Variants in TAFA1 observed in about 807,000 individuals in gnomAD.
TAFA1 encodes chemokine-like protein TAFA-1.
A neutral mutation model predicts 18.5 loss-of-function variants in TAFA1; 4 were observed. The observed-to-expected ratio is 0.22, with a 90% CI of 0.11 to 0.49. The LOEUF (loss-of-function observed/expected upper bound fraction) is 0.49, where lower values mean the gene tolerates loss of function less well. Among genes scored for constraint, TAFA1 ranks in the 20% least tolerant of loss-of-function variants. The pLI is 0.98. For missense variants in TAFA1, 147 were observed against 169.0 expected (o/e 0.87, Z 0.72); for synonymous variants, 56 against 55.2 (o/e 1.01, Z -0.06).
chr3:68,006,811 G>A, intron 2 of TAFA1, 67 bp downstream of exon 2: 1 of 1,127,784 alleles, frequency 8.9e-7, no homozygotes, highest in Non-Finnish European at 1.4e-6. Context: ...ACAGATGGTT[G>A]AATGCAAGTG....
At chr3:68,542,574 A>G (rs1212951014) in intron 4 of TAFA1, among the ~76,000 whole-genome samples, 1 of 152,134 alleles carries the variant, frequency 6.6e-6, no homozygotes, top group African/African-American at 2.4e-5. Context: ...TGTAAAACTG[A>G]AAAGTATCTG....
rs369131569 is a variant in TAFA1, at chr3:68,231,462, G to A, written c.119-185818G>A. On this transcript the variant is annotated intron_variant, in intron 2 of 4. Coordinates refer to ENST00000478136, the MANE Select transcript of TAFA1 (RefSeq NM_213609.4). Reference sequence around the variant, plus strand: ...TGCAAGCTCCGCTTCCCGGGTTCACGCCATTCTCCTGCCTCAGCCTCCCAA... The same window carrying A: ...TGCAAGCTCCGCTTCCCGGGTTCACACCATTCTCCTGCCTCAGCCTCCCAA... 8.1e-3 allele frequency among the ~76,000 whole-genome samples: 1,143 copies of A among 141,362 alleles called. 17 individuals carry two copies. The highest frequency in any genetic ancestry group is 0.026 in the African/African-American group (985 of 38,194). The allele number at this position is 141,362 out of a possible 152,430, so 92.7% of individuals were successfully genotyped here.
chr3:68,394,813 G>T, intron 2 of TAFA1, among the ~76,000 whole-genome samples: 1 of 152,100 alleles, frequency 6.6e-6, no homozygotes, highest in South Asian at 2.1e-4. Flanking sequence ...GTAGATTAAA[G>T]ATTTAGATGT....
At chr3:68,123,869 T>G (rs560436179) in intron 2 of TAFA1, among the ~76,000 whole-genome samples, 46 of 102,214 alleles carry the variant, frequency 4.5e-4, no homozygotes, top group African/African-American at 2.2e-3. Flanking sequence ...AGAACAACAC[T>G]TTTTTTTCCA....
chr3:68,285,856 T>C (rs993772173), intron 2 of TAFA1, among the ~76,000 whole-genome samples: 9 of 152,156 alleles, frequency 5.9e-5, no homozygotes, highest in African/African-American at 1.9e-4. Context: ...GAAGCAAGAA[T>C]GGCCAATCAT....
chr3:68,236,767 A>G (rs550380441), intron 2 of TAFA1, among the ~76,000 whole-genome samples: 1 of 152,310 alleles, frequency 6.6e-6, no homozygotes, highest in East Asian at 1.9e-4. Context: ...AAACAGCTTC[A>G]TGGAAGGAAG....
intron 3 of TAFA1, among the ~76,000 whole-genome samples, chr3:68,532,806 A>T (rs1559708786): frequency 1.3e-5 from 2 of 151,022 alleles, no homozygotes; most frequent in Admixed American, 1.3e-4. Context: ...CTCATTGTAA[A>T]TTTTTTTTTA....
chr3:68,474,322 T>A (rs916938588), intron 3 of TAFA1, among the ~76,000 whole-genome samples: 2 of 152,042 alleles, frequency 1.3e-5, no homozygotes, highest in Non-Finnish European at 2.9e-5. Flanking sequence ...GAAACAGGGG[T>A]TGAAATAGGA....
intron 3 of TAFA1, among the ~76,000 whole-genome samples, chr3:68,466,547 C>G (rs150659423): frequency 6.6e-6 from 1 of 152,156 alleles, no homozygotes; most frequent in Non-Finnish European, 1.5e-5. Context: ...AGTACTCGGT[C>G]CTGTATGAAC....
intron 2 of TAFA1, among the ~76,000 whole-genome samples, chr3:68,123,406 T>C (rs2065424100): frequency 6.6e-6 from 1 of 152,096 alleles, no homozygotes; most frequent in Non-Finnish European, 1.5e-5. Context: ...ATGGAGAGAA[T>C]GGAAAACAGT....
chr3:68,009,044 C>A (rs1704420164), intron 2 of TAFA1, among the ~76,000 whole-genome samples: 1 of 152,132 alleles, frequency 6.6e-6, no homozygotes, highest in Non-Finnish European at 1.5e-5. Context: ...GACTGTAAAC[C>A]CACAAGCCAG....
chr3:68,351,494 T>G (rs2069268893), intron 2 of TAFA1, among the ~76,000 whole-genome samples: 1 of 152,006 alleles, frequency 6.6e-6, no homozygotes, highest in Non-Finnish European at 1.5e-5. Flanking sequence ...AAAAGATAGA[T>G]TAACAAGAGA....
chr3:67,997,600 C>G, the TAFA1 span, among the ~76,000 whole-genome samples: 1 of 152,068 alleles, frequency 6.6e-6, no homozygotes, highest in Non-Finnish European at 1.5e-5. Context: ...AGAGAATAAT[C>G]AGCTATATTA....
intron 2 of TAFA1, among the ~76,000 whole-genome samples, chr3:68,270,171 G>A (rs560181070): frequency 1.8e-4 from 27 of 152,174 alleles, no homozygotes; most frequent in South Asian, 1.5e-3. Flanking sequence ...TACAAGTTCC[G>A]GCACTAACTG....
chr3:68,347,978 C>A (rs1338830983), intron 2 of TAFA1, among the ~76,000 whole-genome samples: 2 of 152,108 alleles, frequency 1.3e-5, no homozygotes, highest in Non-Finnish European at 2.9e-5. Flanking sequence ...GAAAGGCAAC[C>A]AAAATCAGTG....
At chr3:68,340,425 T>C (rs2069060090) in intron 2 of TAFA1, among the ~76,000 whole-genome samples, 1 of 152,222 alleles carries the variant, frequency 6.6e-6, no homozygotes, top group Admixed American at 6.5e-5. Context: ...GTGAATGGAA[T>C]GACTTTAAAT....
intron 2 of TAFA1, among the ~76,000 whole-genome samples, chr3:68,241,870 A>C (rs569642864): frequency 4.6e-5 from 7 of 152,338 alleles, no homozygotes; most frequent in Non-Finnish European, 8.8e-5. Flanking sequence ...GACTAACAGA[A>C]AGCGCAGGGT....
chr3:68,178,196 G>C (rs1391973493), intron 2 of TAFA1, among the ~76,000 whole-genome samples: 1 of 151,908 alleles, frequency 6.6e-6, no homozygotes, highest in African/African-American at 2.4e-5. Context: ...CCTGGTATAT[G>C]GTAACTATTT....
At chr3:68,479,700 A>G (rs1197218666) in intron 3 of TAFA1, among the ~76,000 whole-genome samples, 2 of 152,116 alleles carry the variant, frequency 1.3e-5, no homozygotes, top group African/African-American at 2.4e-5. Flanking sequence ...TATTTCCAAC[A>G]TTTTTCACAC....
Sources: gnomAD v4.1 joint callset for allele counts (sites outside exome capture counted in the v4.1 genomes callset) on GRCh38, gnomAD v4.1.1 for gene constraint, MANE v1.5 for transcripts, NCBI Gene and HGNC (gene_info 2026-07-23, HGNC 2026-07-21) for gene names.